Variants in BSG observed in about 807,000 individuals in gnomAD.
BSG encodes the protein basigin.
In BSG, 37 loss-of-function variants were observed where a neutral mutation model predicts 43.1. The ratio of observed to expected loss-of-function variants is 0.86; its 90% CI spans 0.66 to 1.13. BSG has a LOEUF of 1.13. Ranked by LOEUF, BSG falls within the 50% of genes most tolerant of loss-of-function variation. The pLI is 0.00. For synonymous variants in BSG, 309 were observed against 238.7 expected (o/e 1.29, Z -2.72); for missense variants, 599 against 554.2 (o/e 1.08, Z -0.81).
intron 1 of BSG, 144 bp downstream of exon 1, chr19:572,845 G>C (rs1368313582): frequency 2.0e-6 from 2 of 1,022,232 alleles, no homozygotes; most frequent in Non-Finnish European, 1.3e-6. Flanking sequence ...GGCTTCCCGC[G>C]CCAGCATGGA....
At position 580,711 on chromosome 19, in the gene BSG, G is replaced by C. The variant is rs546180534; in HGVS notation, c.721G>C (p.Val241Leu). ...CAACGAGGGGGAGACGGCCATGCTG[G>C]TCTGCAAGTCAGAGTCCGTGCCACC... ...HINEGETAML[V>L]CKSESVPPVT... is the part of the protein sequence containing the mutation. The change falls in exon 5 of 9, where the codon GTC becomes CTC. Residue 241 changes from valine (V) to leucine (L), a missense_variant. Coordinates refer to ENST00000333511, the MANE Select transcript of BSG (RefSeq NM_001728.4). 5.0e-6 allele frequency: 8 copies of C among 1,612,874 alleles called. No individual in the cohort carries two copies. The South Asian group carries it at 8.8e-5, about 18-fold the overall frequency.
chr19:581,524 G>A lies in BSG; in HGVS notation c.1002G>A (p.Glu334=), dbSNP rs11551902. The A allele has an allele frequency of 1.3e-6, 2 of 1,595,994 alleles. No homozygotes were observed. Among genetic ancestry groups the A allele is most frequent in the African/African-American group, 2.7e-5 (2 of 74,542 alleles). ...ALWPFLGIVA[E]VLVLVTIIFI... Reference sequence around the variant, plus strand: ...GGCCCTTCCTGGGCATCGTGGCTGAGGTGCTGGTGCTGGTCACCATCATCT... The same window carrying A: ...GGCCCTTCCTGGGCATCGTGGCTGAAGTGCTGGTGCTGGTCACCATCATCT... Residue 334 remains glutamate (E), a synonymous_variant, in exon 6 of 9, where the codon GAG becomes GAA. Coordinates refer to ENST00000333511, the MANE Select transcript of BSG (RefSeq NM_001728.4).
chr19:575,011 C>T (rs928436870), intron 1 of BSG: 3 of 152,404 alleles, frequency 2.0e-5, no homozygotes, highest in South Asian at 2.1e-4. Context: ...TGGTCTCTCC[C>T]TGCTGGGTAG....
rs376453857 is a variant in BSG, at chr19:580,391, C to T, written c.585C>T (p.Asp195=). 11 of 1,610,890 alleles carry T rather than the reference C, an allele frequency of 6.8e-6. No homozygotes were observed. Among genetic ancestry groups the T allele is most frequent in the Admixed American group, 3.3e-5 (2 of 59,986 alleles). The change falls in exon 4 of 9, where the codon GAC becomes GAT. Residue 195 remains aspartate (D), a synonymous_variant. Coordinates refer to ENST00000333511, the MANE Select transcript of BSG (RefSeq NM_001728.4). ...GCTGTGGTTGCAGGGTGGACTCCGACGACCAGTGGGGAGAGTACTCCTGCG... is the reference window on the plus strand; with the variant it reads ...GCTGTGGTTGCAGGGTGGACTCCGATGACCAGTGGGGAGAGTACTCCTGCG... ...GQKTEFKVDS[D]DQWGEYSCVF...
At chr19:575,319 A>G (rs1981668543) in intron 1 of BSG, 2 of 152,198 alleles carry the variant, frequency 1.3e-5, no homozygotes, top group Admixed American at 6.6e-5. Flanking sequence ...TGAATTCGTG[A>G]CTGTGTTTGC....
intron 1 of BSG, chr19:575,241 C>T (rs943676892): frequency 2.0e-5 from 3 of 152,578 alleles, no homozygotes; most frequent in Non-Finnish European, 2.9e-5. Flanking sequence ...GGGACTGACT[C>T]GTGAAGACCA....
At chr19:579,689 C>T in intron 3 of BSG, 33 bp downstream of exon 3, 1 of 1,576,970 alleles carries the variant, frequency 6.3e-7, no homozygotes, top group Non-Finnish European at 8.6e-7. Flanking sequence ...CCGCCACCTG[C>T]CCCTTCTCAC....
chr19:578,716 G>GT (rs1982001009), intron 2 of BSG: 1 of 275,058 alleles, frequency 3.6e-6, no homozygotes, highest in Non-Finnish European at 6.6e-6. Context: ...GGGAGCCTTG[G>GT]CCGGGGGTGC....
chr19:579,469 T>C (rs1982085507), intron 2 of BSG, 31 bp from the exon 3 acceptor site: 1 of 1,611,206 alleles, frequency 6.2e-7, no homozygotes, highest in Non-Finnish European at 8.5e-7. Context: ...GCTCCTCCAC[T>C]CTGCTGACCG....
chr19:577,299 C>T (rs949916443), intron 1 of BSG, among the ~76,000 whole-genome samples: 1 of 152,184 alleles, frequency 6.6e-6, no homozygotes, highest in Admixed American at 6.5e-5. Context: ...AGCTTTCCAC[C>T]CACGGGCTGT....
intron 1 of BSG, among the ~76,000 whole-genome samples, chr19:577,410 G>C (rs1981869332): frequency 6.6e-6 from 1 of 152,202 alleles, no homozygotes; most frequent in African/African-American, 2.4e-5. Flanking sequence ...TCTGGGGTCA[G>C]GGTATCGGGC....
In BSG at chr19:581,760, C is replaced by T. The variant is rs1025699084; in HGVS notation, c.1069+169C>T. Among the ~76,000 whole-genome samples the T allele has an allele frequency of 6.9e-4, 105 of 152,248 alleles. 1 individual carries two copies. Among genetic ancestry groups the T allele is most frequent in the Admixed American group, 6.7e-3 (103 of 15,290 alleles). On this transcript the variant is annotated intron_variant, in intron 6 of 8. Coordinates refer to ENST00000333511, the MANE Select transcript of BSG (RefSeq NM_001728.4). ...AAGTGTGGGATGGAGGGTCTAGCCC[C>T]GGGCAGCTGCGGCTCAGTGGGCAGC...
rs1427972656 is a variant in BSG, at chr19:582,598, GCTC to G, written c.*5+22_*5+24del. On this transcript the variant is annotated intron_variant, in intron 8 of 8. Coordinates refer to ENST00000333511, the MANE Select transcript of BSG (RefSeq NM_001728.4). Reference sequence around the variant, plus strand: ...CCTGAGGCAGGTGCGGTGGGCGGGAGCTCCTCCTGAGCCAGGTGTGGTGGGTGG... The same window carrying G: ...CCTGAGGCAGGTGCGGTGGGCGGGAGCTCCTGAGCCAGGTGTGGTGGGTGG... 7.6e-6 allele frequency: 5 copies of G among 662,008 alleles called. No homozygotes were observed. The South Asian group carries it at 9.5e-5, about 13-fold the overall frequency. 41.0% of individuals were successfully genotyped at this position (662,008 alleles called of 1,614,324 possible).
intron 6 of BSG, among the ~76,000 whole-genome samples, chr19:581,946 G>A (rs1000016233): frequency 4.6e-5 from 7 of 152,260 alleles, no homozygotes; most frequent in Admixed American, 1.3e-4. Context: ...CTGTGCTCCG[G>A]CAGCCCCTGC....
Position 581,464 on chromosome 19 carries a change from C to T in BSG, c.942C>T (p.Ile314=), listed in dbSNP as rs1982313846. The part of the protein sequence containing the change: ...TSSKGSDQAI[I]TLRVRSHLAA... ...CCAAGGGCTCCGACCAGGCCATCAT[C>T]ACGCTCCGCGTGCGCAGCCACCTGG... The change falls in exon 6 of 9, where the codon ATC becomes ATT. Residue 314 remains isoleucine (I), a synonymous_variant. Coordinates refer to ENST00000333511, the MANE Select transcript of BSG (RefSeq NM_001728.4). The T allele has an allele frequency of 7.5e-6, 12 of 1,610,598 alleles. No individual in the cohort carries two copies. Among genetic ancestry groups the T allele is most frequent in the Non-Finnish European group, 1.0e-5 (12 of 1,179,144 alleles).
At chr19:579,079 G>T (rs1459682751) in intron 2 of BSG, 2 of 459,456 alleles carry the variant, frequency 4.4e-6, no homozygotes. Flanking sequence ...TCCAGTTTGT[G>T]CTGGGGCTGC....
rs375819042 is a variant in BSG at position 577,489 on chromosome 19, C to T, written c.68-285C>T. On this transcript the variant is annotated intron_variant, in intron 1 of 8. Transcript: ENST00000333511. ...CCCTCGGGGCTCAGGACTCCTGGCT[C>T]TTCTGCCCAGTTTCATGTGTTTTGT... Among the ~76,000 whole-genome samples, 39 of 152,322 alleles carry T rather than the reference C, an allele frequency of 2.6e-4. No homozygotes were observed. The East Asian group carries it at 7.1e-3, about 28-fold the overall frequency.
Position 580,640 on chromosome 19 carries a change from T to C in BSG, c.656-6T>C, listed in dbSNP as rs1982208178. The C allele has an allele frequency of 1.2e-6, 2 of 1,612,704 alleles. No homozygotes were observed. Among genetic ancestry groups the C allele is most frequent in the Non-Finnish European group, 8.5e-7 (1 of 1,179,886 alleles). Reference sequence around the variant, plus strand: ...TCCAGGCTCCTCTCTCTCACCCTCCTGTCAGGGCCTCCCAGAGTGAAGGCT... The same window carrying C: ...TCCAGGCTCCTCTCTCTCACCCTCCCGTCAGGGCCTCCCAGAGTGAAGGCT... On this transcript the variant is annotated splice_region_variant and splice_polypyrimidine_tract_variant and intron_variant, in intron 4 of 8. Coordinates refer to ENST00000333511, the MANE Select transcript of BSG (RefSeq NM_001728.4).
Position 579,636 on chromosome 19 carries a change from C to T in BSG, c.552C>T (p.Pro184=), listed in dbSNP as rs142283391. ...TGGTGCTGAAGGAGGACGCGCTGCC[C>T]GGCCAGAAAACGGAGTTCAAGTGAG... The part of the protein sequence containing the change: ...GGVVLKEDAL[P]GQKTEFKVDS... Residue 184 remains proline (P), a synonymous_variant, in exon 3 of 9, where the codon CCC becomes CCT. Coordinates refer to ENST00000333511, the MANE Select transcript of BSG (RefSeq NM_001728.4). 90 of 1,610,522 alleles carry T rather than the reference C, an allele frequency of 5.6e-5. No individual in the cohort carries two copies. In the African/African-American group the frequency reaches 9.2e-4, roughly 16 times the overall value.
Sources: gnomAD v4.1 joint callset for allele counts (sites outside exome capture counted in the v4.1 genomes callset) on GRCh38, gnomAD v4.1.1 for gene constraint, MANE v1.5 for transcripts, NCBI Gene and HGNC (gene_info 2026-07-23, HGNC 2026-07-21) for gene names.